Variants in CNTNAP5 observed in about 807,000 individuals in gnomAD.
CNTNAP5 encodes contactin associated protein family member 5.
A neutral mutation model predicts 150.2 loss-of-function variants in CNTNAP5; 72 were observed. The ratio of observed to expected loss-of-function variants is 0.48; its 90% CI spans 0.40 to 0.58. The LOEUF is 0.58. CNTNAP5 is among the 20% of genes least tolerant of loss of function. The pLI, the probability that CNTNAP5 is intolerant of heterozygous loss-of-function variation, is 0.00. For missense variants in CNTNAP5, 1,636 were observed against 1,626.2 expected (o/e 1.01, Z -0.10); for synonymous variants, 672 against 619.8 (o/e 1.08, Z -1.25).
At chr2:124,549,935 G>A (rs537954323) in intron 10 of CNTNAP5, among the ~76,000 whole-genome samples, 18 of 152,354 alleles carry the variant, frequency 1.2e-4, no homozygotes, top group Non-Finnish European at 2.6e-4. Context: ...ATGGGGCTGT[G>A]GAGCAGCGGT....
chr2:124,415,034 A>G (rs1245173799), intron 3 of CNTNAP5, among the ~76,000 whole-genome samples: 3 of 152,194 alleles, frequency 2.0e-5, no homozygotes, highest in Non-Finnish European at 4.4e-5. Flanking sequence ...AGTGGTATGG[A>G]CGCAAGGACA....
intron 17 of CNTNAP5, among the ~76,000 whole-genome samples, chr2:124,789,377 C>A (rs985779450): frequency 1.3e-5 from 2 of 152,078 alleles, no homozygotes; most frequent in South Asian, 2.1e-4. Flanking sequence ...GGGTTCCCAG[C>A]CTAGAAGGAC....
chr2:124,637,519 C>G lies in CNTNAP5; in HGVS notation c.1877-10239C>G, dbSNP rs200949158. On this transcript the variant is annotated intron_variant, in intron 12 of 23. Transcript: ENST00000682447. Reference sequence around the variant, plus strand: ...TCGCTATCATTTGGCTAACACAGCTCTGCCAGATCGTTGCATTGTGAAGGC... The same window carrying G: ...TCGCTATCATTTGGCTAACACAGCTGTGCCAGATCGTTGCATTGTGAAGGC... Among the ~76,000 whole-genome samples, 12 of 152,298 alleles carry G rather than the reference C, an allele frequency of 7.9e-5. No homozygotes were observed. In the East Asian group the frequency reaches 2.1e-3, roughly 27 times the overall value.
At chr2:124,085,649 AT>A (rs1226551072) in intron 1 of CNTNAP5, among the ~76,000 whole-genome samples, 5 of 152,028 alleles carry the variant, frequency 3.3e-5, no homozygotes, top group African/African-American at 1.2e-4. Flanking sequence ...AGTCCTGTAA[AT>A]TTCACTTAGC....
chr2:124,364,052 T>G (rs1690297759), intron 3 of CNTNAP5, among the ~76,000 whole-genome samples: 1 of 152,134 alleles, frequency 6.6e-6, no homozygotes, highest in African/African-American at 2.4e-5. Flanking sequence ...TCTCCTCTAC[T>G]CAGTCTTGAA....
chr2:124,743,950 C>T lies in CNTNAP5; in HGVS notation c.2078-3279C>T, dbSNP rs1283898862. Among the ~76,000 whole-genome samples, 4 of 152,262 alleles carry T rather than the reference C, an allele frequency of 2.6e-5. No homozygotes were observed. The South Asian group carries it at 6.2e-4, about 24-fold the overall frequency. On this transcript the variant is annotated intron_variant, in intron 13 of 23. Transcript: ENST00000682447. ...TCCAGATGGCCACAGGTGACTTATC[C>T]GTGGCCTATGAGTTTTGTTCAGGAT...
chr2:124,506,200 A>AC (rs1009100118), intron 8 of CNTNAP5, among the ~76,000 whole-genome samples: 3 of 151,962 alleles, frequency 2.0e-5, no homozygotes, highest in African/African-American at 7.3e-5. Flanking sequence ...AGAAAAAAAA[A>AC]AAAAAAAAGA....
At chr2:124,062,279 G>T (rs1371276424) in intron 1 of CNTNAP5, among the ~76,000 whole-genome samples, 2 of 151,982 alleles carry the variant, frequency 1.3e-5, no homozygotes, top group East Asian at 3.9e-4. Flanking sequence ...TATATTCCTT[G>T]CTACCTCTCT....
At chr2:124,681,016 G>A (rs1301408019) in intron 13 of CNTNAP5, 1 of 151,596 alleles carries the variant, frequency 6.6e-6, no homozygotes, top group Admixed American at 6.7e-5. Context: ...CCGGGTGCGG[G>A]GCTCATGCCT....
intron 13 of CNTNAP5, among the ~76,000 whole-genome samples, chr2:124,702,201 G>T (rs1012593912): frequency 6.6e-6 from 1 of 151,852 alleles, no homozygotes; most frequent in African/African-American, 2.4e-5. Flanking sequence ...AAATTCTTCT[G>T]CCCAAAATGA....
At chr2:124,102,417 G>T (rs866135942) in intron 1 of CNTNAP5, among the ~76,000 whole-genome samples, 2 of 152,106 alleles carry the variant, frequency 1.3e-5, no homozygotes, top group Non-Finnish European at 2.9e-5. Flanking sequence ...GGAACACAGC[G>T]CCAGAAGTTC....
Position 124,242,167 on chromosome 2 carries a change from A to C in CNTNAP5, c.188-33A>C, listed in dbSNP as rs748108030. The C allele has an allele frequency of 6.8e-5, 103 of 1,524,454 alleles. No homozygotes were observed. The Admixed American group carries it at 1.0e-3, about 15-fold the overall frequency. The allele number at this position is 1,524,454 out of a possible 1,614,324, so 94.4% of individuals were successfully genotyped here. On this transcript the variant is annotated intron_variant, in intron 2 of 23. Coordinates refer to ENST00000682447, the MANE Select transcript of CNTNAP5 (RefSeq NM_001367498.1). The stretch of plus-strand genomic sequence containing the variant: ...TTGTAGCTATGTGAGACATTACTAC[A>C]ACTCTCTCTCACTCTCTCTGATCCT...
intron 1 of CNTNAP5, among the ~76,000 whole-genome samples, chr2:124,034,651 G>A (rs1022490784): frequency 6.6e-5 from 10 of 152,216 alleles, no homozygotes; most frequent in African/African-American, 2.4e-4. Flanking sequence ...ATCTAGAGAA[G>A]TGAGGAGCAC....
At chr2:124,378,221 A>G (rs1690701908) in intron 3 of CNTNAP5, among the ~76,000 whole-genome samples, 1 of 152,086 alleles carries the variant, frequency 6.6e-6, no homozygotes, top group Admixed American at 6.6e-5. Flanking sequence ...AAGACTGGAG[A>G]AAGTCTGAAT....
chr2:124,173,937 C>A (rs1431125883), intron 1 of CNTNAP5, among the ~76,000 whole-genome samples: 2 of 152,082 alleles, frequency 1.3e-5, no homozygotes, highest in Non-Finnish European at 2.9e-5. Flanking sequence ...GGTGTCTTAA[C>A]ATTGAAACCA....
At chr2:124,049,503 A>G (rs542992627) in intron 1 of CNTNAP5, among the ~76,000 whole-genome samples, 4 of 152,308 alleles carry the variant, frequency 2.6e-5, no homozygotes, top group Non-Finnish European at 5.9e-5. Flanking sequence ...AAACCATAAT[A>G]AAATTATCAG....
At chr2:124,767,417 A>G (rs1409785314) in intron 16 of CNTNAP5, among the ~76,000 whole-genome samples, 1 of 152,204 alleles carries the variant, frequency 6.6e-6, no homozygotes, top group Non-Finnish European at 1.5e-5. Context: ...TGTGAAAACG[A>G]TAACTATTTT....
chr2:124,323,146 G>A (rs1689138772), intron 3 of CNTNAP5, among the ~76,000 whole-genome samples: 1 of 152,180 alleles, frequency 6.6e-6, no homozygotes, highest in South Asian at 2.1e-4. Context: ...AAGTTAATGT[G>A]CAAGGCATAC....
At chr2:124,897,949 G>GTA (rs1678340449) in intron 21 of CNTNAP5, among the ~76,000 whole-genome samples, 1 of 149,376 alleles carries the variant, frequency 6.7e-6, no homozygotes, top group East Asian at 2.0e-4. Context: ...GTGTGTGTGT[G>GTA]TGTGTGTGTG....
Sources: gnomAD v4.1 joint callset for allele counts (sites outside exome capture counted in the v4.1 genomes callset) on GRCh38, gnomAD v4.1.1 for gene constraint, MANE v1.5 for transcripts, NCBI Gene and HGNC (gene_info 2026-07-23, HGNC 2026-07-21) for gene names.